PTPRD: variants seen among roughly 807,000 people sequenced by gnomAD.
PTPRD encodes the protein protein tyrosine phosphatase receptor type D.
Under a neutral mutation model 214.5 loss-of-function variants are expected in PTPRD, and 34 were observed. That is an observed-to-expected ratio of 0.16 (90% CI 0.12 to 0.21). PTPRD has a LOEUF of 0.21. PTPRD is among the 10% of genes least tolerant of loss of function. The pLI is 1.00. For synonymous variants in PTPRD, 1,128 were observed against 845.7 expected (o/e 1.33, Z -5.79); for missense variants, 2,545 against 2,398.7 (o/e 1.06, Z -1.27).
intron 39 of PTPRD, among the ~76,000 whole-genome samples, chr9:8,355,842 G>C (rs2076853172): frequency 6.6e-6 from 1 of 152,148 alleles, no homozygotes; most frequent in African/African-American, 2.4e-5. Flanking sequence ...AAGTTCTAAA[G>C]CCATGCTGAT....
At chr9:10,532,848 C>G (rs1324429883) in intron 2 of PTPRD, among the ~76,000 whole-genome samples, 3 of 151,838 alleles carry the variant, frequency 2.0e-5, no homozygotes, top group African/African-American at 7.3e-5. Flanking sequence ...TACCTGATCC[C>G]TCAGTTTTAT....
chr9:9,833,138 C>T (rs1565611195), intron 5 of PTPRD, among the ~76,000 whole-genome samples: 1 of 151,868 alleles, frequency 6.6e-6, no homozygotes, highest in Non-Finnish European at 1.5e-5. Context: ...TTCTAAGGAA[C>T]AAAATAACTA....
At chr9:9,990,286 C>T (rs576409340) in intron 4 of PTPRD, among the ~76,000 whole-genome samples, 225 of 152,288 alleles carry the variant, frequency 1.5e-3, no homozygotes, top group African/African-American at 5.2e-3. Flanking sequence ...CCTATCTCTT[C>T]TTTCATAATG....
chr9:9,320,339 A>G (rs1445726522), intron 9 of PTPRD, among the ~76,000 whole-genome samples: 1 of 152,160 alleles, frequency 6.6e-6, no homozygotes, highest in Non-Finnish European at 1.5e-5. Context: ...TCTTATTTAA[A>G]AGCTATGTTT....
At chr9:8,774,821 A>AC (rs909065740) in intron 11 of PTPRD, among the ~76,000 whole-genome samples, 3 of 152,200 alleles carry the variant, frequency 2.0e-5, no homozygotes, top group African/African-American at 7.2e-5. Context: ...GGCATGAGCC[A>AC]CTGCGCCCAG....
chr9:10,364,705 G>T (rs2097480359), intron 2 of PTPRD, among the ~76,000 whole-genome samples: 1 of 152,086 alleles, frequency 6.6e-6, no homozygotes, highest in Non-Finnish European at 1.5e-5. Context: ...CTACAAAATT[G>T]CCAGGGAAGT....
chr9:8,707,021 C>A (rs912351403), intron 12 of PTPRD, among the ~76,000 whole-genome samples: 1 of 152,152 alleles, frequency 6.6e-6, no homozygotes, highest in Non-Finnish European at 1.5e-5. Context: ...CTTCCTTTAG[C>A]AGGGATCAGC....
At chr9:10,510,273 A>G (rs989322448) in intron 2 of PTPRD, among the ~76,000 whole-genome samples, 1 of 151,936 alleles carries the variant, frequency 6.6e-6, no homozygotes, top group Non-Finnish European at 1.5e-5. Flanking sequence ...CACAGCCTGC[A>G]CTCCATGTAC....
chr9:8,716,649 TA>T (rs1423444525), intron 12 of PTPRD, among the ~76,000 whole-genome samples: 1 of 131,084 alleles, frequency 7.6e-6, no homozygotes, highest in Non-Finnish European at 1.5e-5. Flanking sequence ...GGTTCACATA[TA>T]AACCTAGACT....
intron 9 of PTPRD, among the ~76,000 whole-genome samples, chr9:9,328,618 CTTTTTTTTTTTTTTTTTTTTTT>C (rs869076374): frequency 1.4e-4 from 4 of 28,230 alleles, no homozygotes; most frequent in Non-Finnish European, 1.9e-4. Context: ...GTTGTTCTTG[CTTTTTTTTTTTTTTTTTTTTTT>C]TTTTTTTTTT....
intron 12 of PTPRD, among the ~76,000 whole-genome samples, chr9:8,652,295 T>C (rs1397721228): frequency 1.3e-5 from 2 of 152,242 alleles, no homozygotes; most frequent in East Asian, 1.9e-4. Context: ...CTAATTTAAC[T>C]ATTGCAGGCA....
intron 39 of PTPRD, among the ~76,000 whole-genome samples, chr9:8,358,974 G>A (rs1361031328): frequency 1.3e-5 from 2 of 150,048 alleles, no homozygotes; most frequent in Middle Eastern, 3.2e-3. Context: ...CGGGCGTGGT[G>A]GCGGGCGCCT....
chr9:9,421,666 A>C (rs2078851857), intron 8 of PTPRD, among the ~76,000 whole-genome samples: 1 of 152,134 alleles, frequency 6.6e-6, no homozygotes, highest in Non-Finnish European at 1.5e-5. Context: ...TATAATGAAC[A>C]CTGAACTGGC....
intron 11 of PTPRD, among the ~76,000 whole-genome samples, chr9:8,792,450 T>C (rs1345566311): frequency 6.6e-6 from 1 of 152,226 alleles, no homozygotes; most frequent in African/African-American, 2.4e-5. Context: ...TGTCCTTTTC[T>C]AATGGGCGGC....
At position 9,204,932 on chromosome 9, in the gene PTPRD, T is replaced by A. The variant is rs144843007; in HGVS notation, c.-202-21569A>T. ...CAACTTATTGTTCCTGGAGTTAGGA[T>A]ACACTTCCTCAAGTATCTGCGGCAT... On this transcript the variant is annotated intron_variant, in intron 9 of 45. Coordinates refer to ENST00000381196, the MANE Select transcript of PTPRD (RefSeq NM_002839.4). Among the ~76,000 whole-genome samples, 759 of 152,284 alleles carry A rather than the reference T, an allele frequency of 5.0e-3. 3 individuals carry two copies. Among genetic ancestry groups the A allele is most frequent in the Non-Finnish European group, 8.8e-3 (599 of 67,996 alleles).
chr9:9,309,853 A>T (rs1175656524), intron 9 of PTPRD, among the ~76,000 whole-genome samples: 1 of 152,142 alleles, frequency 6.6e-6, no homozygotes, highest in East Asian at 1.9e-4. Context: ...TAGTGGCTCT[A>T]TTCTTAAGTC....
At chr9:9,120,511 C>T (rs1021751182) in intron 10 of PTPRD, among the ~76,000 whole-genome samples, 1 of 152,196 alleles carries the variant, frequency 6.6e-6, no homozygotes, top group African/African-American at 2.4e-5. Flanking sequence ...GAAAGCTGTG[C>T]ATGCCTCCAT....
At chr9:9,270,071 A>C (rs1942189385) in intron 9 of PTPRD, among the ~76,000 whole-genome samples, 1 of 151,058 alleles carries the variant, frequency 6.6e-6, no homozygotes, top group African/African-American at 2.4e-5. Flanking sequence ...AAGAAATTAG[A>C]TCTGATGTAT....
intron 7 of PTPRD, among the ~76,000 whole-genome samples, chr9:9,667,538 A>C (rs1282235298): frequency 1.3e-5 from 2 of 152,178 alleles, no homozygotes; most frequent in African/African-American, 4.8e-5. Context: ...TATGTGTAGT[A>C]GCATTTTCTA....
Sources: allele counts gnomAD v4.1 joint callset (sites outside exome capture counted in the v4.1 genomes callset), GRCh38; gene constraint gnomAD v4.1.1; transcripts MANE v1.5; gene names NCBI Gene and HGNC (gene_info 2026-07-23, HGNC 2026-07-21).